Variants in SOX5 observed in about 807,000 individuals in gnomAD.
SOX5 encodes the protein SRY-box transcription factor 5.
Under a neutral mutation model 92.0 loss-of-function variants are expected in SOX5, and 9 were observed. The observed-to-expected ratio is 0.10, with a 90% confidence interval of 0.06 to 0.17. The LOEUF (loss-of-function observed/expected upper bound fraction) is 0.17. SOX5 is among the 10% of genes least tolerant of loss of function. The pLI is 1.00. For missense variants in SOX5, 642 were observed against 944.5 expected, an observed-to-expected ratio of 0.68 and a Z score of 4.20; for synonymous variants, 344 against 336.3, an observed-to-expected ratio of 1.02 and a Z score of -0.25.
At chr12:23,660,409 A>G (rs2082880506) in intron 7 of SOX5, among the ~76,000 whole-genome samples, 2 of 152,220 alleles carry the variant, frequency 1.3e-5, no homozygotes, top group Admixed American at 1.3e-4. Context: ...AACTTACATT[A>G]GGACAATCGA....
chr12:23,784,150 G>T (rs1028879278), intron 3 of SOX5, among the ~76,000 whole-genome samples: 7 of 152,142 alleles, frequency 4.6e-5, no homozygotes, highest in Middle Eastern at 3.4e-3. Context: ...CAGGCCTCAG[G>T]GTGGGAAGAC....
intron 9 of SOX5, among the ~76,000 whole-genome samples, chr12:23,594,073 TGTTA>T (rs1951987015): frequency 6.6e-6 from 1 of 152,208 alleles, no homozygotes. Flanking sequence ...CATGTAATAG[TGTTA>T]GTGTCAAAAT....
At chr12:24,218,089 G>C (rs753330685) in intron 3 of SOX5, among the ~76,000 whole-genome samples, 24 of 152,136 alleles carry the variant, frequency 1.6e-4, no homozygotes, top group Non-Finnish European at 2.8e-4. Flanking sequence ...TTTACAAATA[G>C]AGTTACCAAA....
At chr12:23,976,159 T>C (rs1176979362) in intron 4 of SOX5, among the ~76,000 whole-genome samples, 1 of 151,960 alleles carries the variant, frequency 6.6e-6, no homozygotes, top group Non-Finnish European at 1.5e-5. Context: ...AATCCTTAGA[T>C]AGTCATAAAA....
chr12:23,972,589 C>G (rs1315872906), intron 4 of SOX5, among the ~76,000 whole-genome samples: 2 of 152,054 alleles, frequency 1.3e-5, no homozygotes, highest in African/African-American at 4.8e-5. Context: ...GAACTCCTAA[C>G]CTCAGGTGAT....
intron 3 of SOX5, among the ~76,000 whole-genome samples, chr12:23,831,927 C>A (rs1338001608): frequency 7.2e-6 from 1 of 137,958 alleles, no homozygotes; most frequent in African/African-American, 2.8e-5. Flanking sequence ...CTAAATAAAA[C>A]CAAGCATATG....
At chr12:23,747,688 T>A (rs2094036239) in intron 4 of SOX5, among the ~76,000 whole-genome samples, 1 of 152,086 alleles carries the variant, frequency 6.6e-6, no homozygotes, top group Admixed American at 6.6e-5. Flanking sequence ...ACAATTTTCA[T>A]GGGGAGTGGT....
At chr12:24,006,560 T>A (rs908594770) in intron 4 of SOX5, among the ~76,000 whole-genome samples, 1 of 152,108 alleles carries the variant, frequency 6.6e-6, no homozygotes, top group Admixed American at 6.6e-5. Flanking sequence ...GTTGTCCCTG[T>A]GTTCTGTGCC....
chr12:24,384,057 G>A (rs1431839085), intron 1 of SOX5, among the ~76,000 whole-genome samples: 1 of 152,078 alleles, frequency 6.6e-6, no homozygotes, highest in Non-Finnish European at 1.5e-5. Flanking sequence ...TGTAAGATGT[G>A]CCTCTTCCTC....
At position 24,458,743 on chromosome 12, in the gene SOX5, TAAC is replaced by T. The variant is rs552473770; in HGVS notation, c.-250-90107_-250-90105del. Among the ~76,000 whole-genome samples the T allele has an allele frequency of 1.2e-4, 19 of 152,286 alleles. No homozygotes were observed. The East Asian group carries it at 3.3e-3, about 26-fold the overall frequency. On this transcript the variant is annotated intron_variant, in intron 1 of 4. Transcript: ENST00000446891. ...GCCTTTTGAATCAGAACCTGAATTT[TAAC>T]AACATCTCCGGGTGATTCATATGCA... is the stretch of plus-strand genomic sequence containing the variant.
intron 2 of SOX5, among the ~76,000 whole-genome samples, chr12:24,331,848 C>CAAAAAAAAAAAAAAAAAAAAAAAAA (rs10627494): frequency 3.2e-5 from 1 of 31,660 alleles, no homozygotes; most frequent in Non-Finnish European, 5.2e-5. Flanking sequence ...AAGACTGTCT[C>CAAAAAAAAAAAAAAAAAAAAAAAAA]AAAAAAAAAA....
chr12:23,536,715 C>A, intron 13 of SOX5, 46 bp from the exon 14 acceptor site: 1 of 1,439,022 alleles, frequency 6.9e-7, no homozygotes, highest in Non-Finnish European at 9.8e-7. Context: ...AGCTTCTAAG[C>A]ATTCCAGAAA....
intron 2 of SOX5, among the ~76,000 whole-genome samples, chr12:23,892,986 G>A (rs977997892): frequency 2.6e-5 from 4 of 152,276 alleles, no homozygotes; most frequent in Middle Eastern, 3.4e-3. Flanking sequence ...TACAGCCTGC[G>A]TAAACCTGTC....
chr12:23,762,688 T>C, intron 3 of SOX5: 1 of 455,046 alleles, frequency 2.2e-6, no homozygotes, highest in Non-Finnish European at 3.9e-6. Context: ...TGTAATGTAA[T>C]ACTTAAATCA....
chr12:23,734,486 T>G (rs1244807554), intron 6 of SOX5, among the ~76,000 whole-genome samples, 198 bp downstream of exon 6: 3 of 152,150 alleles, frequency 2.0e-5, no homozygotes, highest in Non-Finnish European at 2.9e-5. Context: ...TTGCTTAGAT[T>G]GAAGCTCCCT....
At chr12:24,216,256 G>A (rs1009900020) in intron 3 of SOX5, among the ~76,000 whole-genome samples, 2 of 152,156 alleles carry the variant, frequency 1.3e-5, no homozygotes, top group African/African-American at 4.8e-5. Flanking sequence ...GGCCGAGGCG[G>A]ACGGATCACG....
chr12:24,088,253 T>C (rs1327743702), intron 4 of SOX5, among the ~76,000 whole-genome samples: 1 of 152,080 alleles, frequency 6.6e-6, no homozygotes, highest in Non-Finnish European at 1.5e-5. Flanking sequence ...TAGGGAAAAC[T>C]GATGCATTTT....
intron 2 of SOX5, among the ~76,000 whole-genome samples, chr12:23,850,684 T>C (rs1018291229): frequency 6.6e-6 from 1 of 152,098 alleles, no homozygotes; most frequent in African/African-American, 2.4e-5. Context: ...AATTATTGTC[T>C]AAAGAGCTCT....
intron 3 of SOX5, among the ~76,000 whole-genome samples, chr12:24,215,342 C>T (rs1959085435): frequency 6.6e-6 from 1 of 151,998 alleles, no homozygotes; most frequent in Non-Finnish European, 1.5e-5. Context: ...ATCATTTTTA[C>T]TTAGAAAATC....
Sources: allele counts gnomAD v4.1 joint callset (sites outside exome capture counted in the v4.1 genomes callset), GRCh38; gene constraint gnomAD v4.1.1; transcripts MANE v1.5; gene names NCBI Gene and HGNC (gene_info 2026-07-23, HGNC 2026-07-21).